Variants in SUPV3L1 observed in about 807,000 individuals in gnomAD.
SUPV3L1 encodes Suv3 like RNA helicase, also known as ATP-dependent RNA helicase SUPV3L1, mitochondrial.
In SUPV3L1, 35 loss-of-function variants were observed where a neutral mutation model predicts 70.0. That is an observed-to-expected ratio of 0.50 (90% CI 0.38 to 0.66). SUPV3L1 has a LOEUF of 0.66. Ranked by LOEUF, SUPV3L1 falls within the 30% of genes least tolerant of loss-of-function variation. SUPV3L1 has a pLI of 0.00. For synonymous variants in SUPV3L1, 364 were observed against 341.9 expected (o/e 1.06, Z -0.71); for missense variants, 777 against 961.5 (o/e 0.81, Z 2.54).
At chr10:69,187,860 G>T in intron 4 of SUPV3L1, 104 bp downstream of exon 4, 1 of 721,134 alleles carries the variant, frequency 1.4e-6, no homozygotes, top group South Asian at 2.1e-5. Context: ...ATTATAAGGA[G>T]TCTGGATTAG....
At chr10:69,199,044 T>G in intron 9 of SUPV3L1, 60 bp from the exon 10 acceptor site, 1 of 1,331,794 alleles carries the variant, frequency 7.5e-7, no homozygotes, top group South Asian at 1.3e-5. Flanking sequence ...CAAGATGTAC[T>G]TAGCTTGATG....
intron 6 of SUPV3L1, chr10:69,192,146 A>G (rs1260036642): frequency 6.5e-6 from 1 of 154,468 alleles, no homozygotes; most frequent in Admixed American, 6.4e-5. Flanking sequence ...AACATGTGAA[A>G]TACGATTTTT....
intron 13 of SUPV3L1, among the ~76,000 whole-genome samples, chr10:69,205,696 G>C (rs368220118): frequency 5.9e-5 from 9 of 152,222 alleles, no homozygotes; most frequent in African/African-American, 2.2e-4. Context: ...ACCATGCCTG[G>C]CTAATTTTTT....
At position 69,208,987 on chromosome 10, in the gene SUPV3L1, T is replaced by A. The variant is rs1393581269; in HGVS notation, c.2313T>A (p.Thr771=). The A allele has an allele frequency of 9.4e-6, 15 of 1,603,278 alleles. No homozygotes were observed. Among genetic ancestry groups the A allele is most frequent in the Non-Finnish European group, 1.3e-5 (15 of 1,176,040 alleles). The change falls in exon 15 of 15, where the codon ACT becomes ACA. Residue 771 remains threonine (T), a synonymous_variant. Coordinates refer to ENST00000359655, the MANE Select transcript of SUPV3L1 (RefSeq NM_003171.5). The part of the protein sequence containing the change: ...EHNKEKTESG[T]HPKGTRRKKK... ...ACAAAGAAAAAACAGAGTCTGGGAC[T>A]CATCCAAAAGGGACGAGAAGAAAGA...
At chr10:69,199,894 G>A (rs753466653) in intron 10 of SUPV3L1, among the ~76,000 whole-genome samples, 1 of 151,942 alleles carries the variant, frequency 6.6e-6, no homozygotes, top group Non-Finnish European at 1.5e-5. Flanking sequence ...CCCCACGCCG[G>A]AGTACAGTGG....
At chr10:69,199,581 C>T (rs1397171465) in intron 10 of SUPV3L1, among the ~76,000 whole-genome samples, 2 of 151,888 alleles carry the variant, frequency 1.3e-5, no homozygotes, top group Non-Finnish European at 2.9e-5. Flanking sequence ...CAAGGTCTTA[C>T]CCTGTTGCCC....
intron 9 of SUPV3L1, 41 bp downstream of exon 9, chr10:69,198,593 T>C: frequency 6.3e-7 from 1 of 1,583,110 alleles, no homozygotes. Flanking sequence ...TGAAATCTCC[T>C]ATCTTTGCAA....
rs138699641 is a variant in SUPV3L1, at chr10:69,186,312, C to G, written c.350-131C>G. Reference sequence around the variant, plus strand: ...CAGTTTTAGCCCAGATCATAATAAACCAGCTGTACTGCCAAAAAAAAAAAA... The same window carrying G: ...CAGTTTTAGCCCAGATCATAATAAAGCAGCTGTACTGCCAAAAAAAAAAAA... On this transcript the variant is annotated intron_variant, in intron 2 of 14. Coordinates refer to ENST00000359655, the MANE Select transcript of SUPV3L1 (RefSeq NM_003171.5). 4.7e-4 allele frequency: 340 copies of G among 729,992 alleles called. 1 individual carries two copies. In the African/African-American group the frequency reaches 6.2e-3, roughly 13 times the overall value. 45.2% of individuals were successfully genotyped at this position (729,992 alleles called of 1,614,324 possible).
At chr10:69,205,976 G>A (rs1415849191) in intron 13 of SUPV3L1, among the ~76,000 whole-genome samples, 1 of 152,142 alleles carries the variant, frequency 6.6e-6, no homozygotes, top group African/African-American at 2.4e-5. Flanking sequence ...TGATTTGGAA[G>A]CTGTGCTCCA....
rs59328806 is a variant in SUPV3L1 at position 69,184,616 on chromosome 10, T to TACACACACACACACACACACAC, written c.272-1356_272-1335dup. 1.3e-3 allele frequency among the ~76,000 whole-genome samples: 188 copies of TACACACACACACACACACACAC among 146,158 alleles called. 1 individual carries two copies. The highest frequency in any genetic ancestry group is 3.7e-3 in the African/African-American group (145 of 39,436). Reference sequence around the variant, plus strand: ...ATCTGCCTGTGATCTGAAATATAAATACACACACACACACACACACACACA... The same window carrying TACACACACACACACACACACAC: ...ATCTGCCTGTGATCTGAAATATAAATACACACACACACACACACACACACACACACACACACACACACACACA... On this transcript the variant is annotated intron_variant, in intron 1 of 14. Transcript: ENST00000359655.
At position 69,203,041 on chromosome 10, in the gene SUPV3L1, C is replaced by A. The variant is rs1019884036; in HGVS notation, c.1774C>A (p.Gln592Lys). Residue 592 changes from glutamine (Q) to lysine (K), a missense_variant and splice_region_variant, in exon 13 of 15, where the codon CAG becomes AAG. Physicochemically the swap from Gln to Lys is moderately conservative, Grantham distance 53. This residue lies in a region of SUPV3L1 where 619 missense variants were observed against 823.3 expected (regional missense o/e 0.75). Coordinates refer to ENST00000359655, the MANE Select transcript of SUPV3L1 (RefSeq NM_003171.5). ...GCCTTTTGTGTGTTCTTCACTGTTA[C>A]AGGTAAGCCTTTATCTTTAAGCTAT... Reference protein sequence around the residue: ...KQPFVCSSLLQFARQYSRNEP... With the variant: ...KQPFVCSSLLKFARQYSRNEP... 1 of 1,607,742 alleles carries A rather than the reference C, an allele frequency of 6.2e-7. No homozygotes were observed. Among genetic ancestry groups the A allele is most frequent in the Non-Finnish European group, 8.5e-7 (1 of 1,177,264 alleles).
chr10:69,202,361 C>T lies in SUPV3L1; in HGVS notation c.1519-78C>T, dbSNP rs529639166. Reference sequence around the variant, plus strand: ...GAGCTTAGCCTGAATGGGACTTTATCGTGCAATAACTTAAGAAAATTTGTC... The same window carrying T: ...GAGCTTAGCCTGAATGGGACTTTATTGTGCAATAACTTAAGAAAATTTGTC... On this transcript the variant is annotated intron_variant, in intron 11 of 14. Coordinates refer to ENST00000359655, the MANE Select transcript of SUPV3L1 (RefSeq NM_003171.5). 3.6e-5 allele frequency: 46 copies of T among 1,266,796 alleles called. No individual in the cohort carries two copies. The East Asian group carries it at 4.1e-4, about 11-fold the overall frequency. 78.5% of individuals were successfully genotyped at this position (1,266,796 alleles called of 1,614,324 possible).
intron 1 of SUPV3L1, 152 bp downstream of exon 1, chr10:69,180,714 T>G (rs1412009561): frequency 7.3e-6 from 8 of 1,093,192 alleles, no homozygotes; most frequent in Non-Finnish European, 1.0e-5. Flanking sequence ...CGCTGGTGTG[T>G]GAGCCCCTCA....
intron 9 of SUPV3L1, 136 bp downstream of exon 9, chr10:69,198,688 AAAAT>A (rs769711694): frequency 5.2e-6 from 4 of 771,932 alleles, no homozygotes; most frequent in East Asian, 6.0e-5. Context: ...AACGTCATAT[AAAAT>A]AAATAATTTT....
Position 69,180,540 on chromosome 10 carries a change from G to C in SUPV3L1, c.249G>C (p.Glu83Asp), listed in dbSNP as rs770452955. Residue 83 changes from glutamate to aspartate, a missense_variant, in exon 1 of 15, where the codon GAG (glutamate) becomes GAC (aspartate). Coordinates refer to ENST00000359655, the MANE Select transcript of SUPV3L1 (RefSeq NM_003171.5). ...GCGCCGACGGCGACGTCGGGGCCGA[G>C]CTAACCCGGCCTCTGGACAAGAGTG... is the stretch of plus-strand genomic sequence containing the variant. Reference protein sequence around the residue: ...GPSADGDVGAELTRPLDKNEV... With the variant: ...GPSADGDVGADLTRPLDKNEV... 3 of 1,614,142 alleles carry C rather than the reference G, an allele frequency of 1.9e-6. No homozygotes were observed. The highest frequency in any genetic ancestry group is 2.5e-6 in the Non-Finnish European group (3 of 1,180,034).
intron 1 of SUPV3L1, among the ~76,000 whole-genome samples, chr10:69,181,174 G>A (rs1842047064): frequency 6.6e-6 from 1 of 152,226 alleles, no homozygotes; most frequent in Non-Finnish European, 1.5e-5. Context: ...GGTAGCATCA[G>A]TTAGTGGCAG....
intron 10 of SUPV3L1, 24 bp downstream of exon 10, chr10:69,199,221 A>G: frequency 6.4e-7 from 1 of 1,571,852 alleles, no homozygotes; most frequent in Non-Finnish European, 8.7e-7. Context: ...TTTTAATAAG[A>G]TGAATATTTG....
chr10:69,199,274 G>A, intron 10 of SUPV3L1, 77 bp downstream of exon 10: 1 of 1,096,070 alleles, frequency 9.1e-7, no homozygotes, highest in Non-Finnish European at 1.3e-6. Flanking sequence ...TTTTCTAATT[G>A]GCATTAATGA....
At chr10:69,187,491 T>A in intron 3 of SUPV3L1, 151 bp from the exon 4 acceptor site, 1 of 534,892 alleles carries the variant, frequency 1.9e-6, no homozygotes, top group Non-Finnish European at 3.3e-6. Context: ...GTGGTGGGAT[T>A]GTTGACGTGA....
Sources: allele counts gnomAD v4.1 joint callset (sites outside exome capture counted in the v4.1 genomes callset), GRCh38; gene constraint gnomAD v4.1.1; regional missense constraint gnomAD v4.1.1; transcripts MANE v1.5; gene names NCBI Gene and HGNC (gene_info 2026-07-23, HGNC 2026-07-21).